MGAT5: variants seen among roughly 807,000 people sequenced by gnomAD.
The protein encoded by MGAT5 is alpha-1,6-mannosylglycoprotein 6-beta-N-acetylglucosaminyltransferase, also known as alpha-1,6-mannosylglycoprotein 6-beta-N-acetylglucosaminyltransferase A.
In MGAT5, 30 loss-of-function variants were observed where a neutral mutation model predicts 94.3. The observed-to-expected ratio is 0.32, with a 90% CI of 0.24 to 0.43. MGAT5 has a LOEUF of 0.43. Ranked by LOEUF, MGAT5 falls within the 20% of genes least tolerant of loss-of-function variation. The probability of loss-of-function intolerance (pLI) is 1.00; values close to 1 mark genes in which losing one functional copy is unlikely to be tolerated. For missense variants in MGAT5, 691 were observed against 905.5 expected, an observed-to-expected ratio of 0.76 and a Z score of 3.04; for synonymous variants, 310 against 322.9, an observed-to-expected ratio of 0.96 and a Z score of 0.43.
At chr2:134,300,568 C>G (rs1297763782) in intron 2 of MGAT5, among the ~76,000 whole-genome samples, 1 of 152,106 alleles carries the variant, frequency 6.6e-6, no homozygotes, top group Non-Finnish European at 1.5e-5. Context: ...GAGAAGAACA[C>G]TTTACCAACA....
intron 9 of MGAT5, among the ~76,000 whole-genome samples, chr2:134,351,026 A>G (rs769972198): frequency 6.6e-6 from 1 of 152,180 alleles, no homozygotes; most frequent in Non-Finnish European, 1.5e-5. Context: ...CAGCACATGC[A>G]TTGGACTAAT....
chr2:134,205,239 C>T (rs1308169707), intron 1 of MGAT5, among the ~76,000 whole-genome samples: 1 of 152,140 alleles, frequency 6.6e-6, no homozygotes, highest in Non-Finnish European at 1.5e-5. Flanking sequence ...TGAGTGACAT[C>T]CTCTGACATT....
chr2:134,136,156 G>C (rs926962010), intron 1 of MGAT5, among the ~76,000 whole-genome samples: 1 of 152,162 alleles, frequency 6.6e-6, no homozygotes, highest in Non-Finnish European at 1.5e-5. Flanking sequence ...CAGGTGTGTT[G>C]AAATACCAGT....
intron 1 of MGAT5, among the ~76,000 whole-genome samples, chr2:134,139,105 G>C (rs1300538260): frequency 6.6e-6 from 1 of 152,176 alleles, no homozygotes; most frequent in Non-Finnish European, 1.5e-5. Flanking sequence ...GGTTTTTTTG[G>C]CCAGAGAAAT....
At chr2:134,123,515 G>C (rs1685710620) in intron 1 of MGAT5, among the ~76,000 whole-genome samples, 1 of 152,230 alleles carries the variant, frequency 6.6e-6, no homozygotes, top group Non-Finnish European at 1.5e-5. Flanking sequence ...TTTAAGCGCA[G>C]TAGGGACTCA....
At chr2:134,313,037 AACACACACACACACACACACAC>A (rs201311442) in intron 2 of MGAT5, among the ~76,000 whole-genome samples, 2,159 of 139,290 alleles carry the variant, frequency 0.015, 57 homozygotes, top group African/African-American at 0.055. Context: ...GCAAGAAATA[AACACACACACACACACACACAC>A]ACACACACAC....
intron 1 of MGAT5, among the ~76,000 whole-genome samples, chr2:134,216,588 A>G (rs951693322): frequency 2.4e-4 from 37 of 152,284 alleles, no homozygotes; most frequent in Admixed American, 2.4e-3. Flanking sequence ...GGGCTGGCAC[A>G]GGAAGCATAC....
At chr2:134,351,232 T>C (rs139240615) in intron 9 of MGAT5, among the ~76,000 whole-genome samples, 42 of 152,302 alleles carry the variant, frequency 2.8e-4, no homozygotes, top group African/African-American at 9.9e-4. Flanking sequence ...CAAATTGATT[T>C]TTGGCACGTT....
chr2:134,368,716 A>T (rs776962992), intron 10 of MGAT5, among the ~76,000 whole-genome samples: 1 of 152,192 alleles, frequency 6.6e-6, no homozygotes, highest in Non-Finnish European at 1.5e-5. Flanking sequence ...AGAACACCTT[A>T]CATTTACAGT....
Position 134,448,951 on chromosome 2 carries a change from C to T in MGAT5, c.*104C>T. The T allele has an allele frequency of 8.8e-6, 11 of 1,249,128 alleles. No homozygotes were observed. The highest frequency in any genetic ancestry group is 1.2e-5 in the Non-Finnish European group (11 of 896,684). The allele number at this position is 1,249,128 out of a possible 1,614,324, so 77.4% of individuals were successfully genotyped here. On this transcript the variant is annotated 3_prime_UTR_variant, in exon 16 of 16. Transcript: ENST00000281923. ...AGTCATGCAGGGACTCTGGCAAGAGCCTGAACTTTTTCGTAGAAGGTTCTG... is the reference window on the plus strand; with the variant it reads ...AGTCATGCAGGGACTCTGGCAAGAGTCTGAACTTTTTCGTAGAAGGTTCTG...
rs150801189 is a variant in MGAT5 at position 134,152,550 on chromosome 2, G to A, written c.-143+32259G>A. Among the ~76,000 whole-genome samples the A allele has an allele frequency of 3.3e-4, 51 of 152,368 alleles. 1 individual carries two copies. The East Asian group carries it at 8.1e-3, about 24-fold the overall frequency. ...ACAGCTCTTCTTTCTGTTGCCAAAT[G>A]TTGCACTGCCAATCTTCCCCAAAGG... On this transcript the variant is annotated intron_variant, in intron 1 of 16. Coordinates refer to the MGAT5 transcript ENST00000409645.
intron 1 of MGAT5, among the ~76,000 whole-genome samples, chr2:134,182,983 G>A (rs946640322): frequency 6.6e-6 from 1 of 151,726 alleles, no homozygotes; most frequent in Non-Finnish European, 1.5e-5. Flanking sequence ...GTAGAGACAG[G>A]GTTTCACCGT....
chr2:134,377,004 G>A (rs1183048599), intron 10 of MGAT5, among the ~76,000 whole-genome samples: 1 of 152,184 alleles, frequency 6.6e-6, no homozygotes, highest in Non-Finnish European at 1.5e-5. Flanking sequence ...CACAGCACTT[G>A]TTCTTCCTAG....
At chr2:134,135,909 A>T (rs1379623111) in intron 1 of MGAT5, among the ~76,000 whole-genome samples, 1 of 151,148 alleles carries the variant, frequency 6.6e-6, no homozygotes, top group Admixed American at 6.6e-5. Flanking sequence ...GAAAAACTGC[A>T]GGAATGGAAG....
chr2:134,155,373 G>A (rs1027915184), intron 1 of MGAT5, among the ~76,000 whole-genome samples: 1 of 152,206 alleles, frequency 6.6e-6, no homozygotes, highest in East Asian at 1.9e-4. Context: ...GCAGAGTGAC[G>A]AAGTGGTTGA....
At chr2:134,419,805 C>T (rs2106351939) in intron 12 of MGAT5, among the ~76,000 whole-genome samples, 1 of 152,218 alleles carries the variant, frequency 6.6e-6, no homozygotes, top group African/African-American at 2.4e-5. Context: ...TGTAAATAAG[C>T]AGAGACCTTA....
chr2:134,268,382 C>T lies in MGAT5; in HGVS notation c.242-2004C>T, dbSNP rs1683842168. 6.6e-6 allele frequency among the ~76,000 whole-genome samples: 1 copy of T among 152,222 alleles called. No individual in the cohort carries two copies. Among genetic ancestry groups the T allele is most frequent in the African/African-American group, 2.4e-5 (1 of 41,446 alleles). ...TTATACTGAACATTGCCACTTCTCA[C>T]TGGCACGACTGCCCCCTTCTGTGTG... On this transcript the variant is annotated intron_variant, in intron 1 of 15. Transcript: ENST00000281923. This position sits in a 1 kb window ranked among gnomAD's most constrained non-coding sequence, Gnocchi z 4.1.
At chr2:134,283,645 CTTTTTTTT>C (rs35922830) in intron 2 of MGAT5, among the ~76,000 whole-genome samples, 11 of 69,072 alleles carry the variant, frequency 1.6e-4, no homozygotes, top group African/African-American at 6.2e-4. Context: ...AATGTAGTAT[CTTTTTTTT>C]TTTTTTTTTT....
chr2:134,427,990 G>A (rs1684681928), intron 13 of MGAT5, among the ~76,000 whole-genome samples: 1 of 152,218 alleles, frequency 6.6e-6, no homozygotes, highest in Non-Finnish European at 1.5e-5. Flanking sequence ...TGACCCAACA[G>A]CATGGACTCT....
Sources: gnomAD v4.1 joint callset for allele counts (sites outside exome capture counted in the v4.1 genomes callset) on GRCh38, gnomAD v4.1.1 for gene constraint, Gnocchi (gnomAD v3.1) non-coding constraint, MANE v1.5 for transcripts, NCBI Gene and HGNC (gene_info 2026-07-23, HGNC 2026-07-21) for gene names.